DLG2: variants seen among roughly 807,000 people sequenced by gnomAD.
The protein encoded by DLG2 is discs large MAGUK scaffold protein 2.
A neutral mutation model predicts 132.5 loss-of-function variants in DLG2; 45 were observed. The ratio of observed to expected loss-of-function variants is 0.34; its 90% CI spans 0.27 to 0.44. DLG2 has a LOEUF of 0.44. Ranked by LOEUF, DLG2 falls within the 20% of genes least tolerant of loss-of-function variation. The probability of loss-of-function intolerance (pLI) is 1.00; values close to 1 mark genes in which losing one functional copy is unlikely to be tolerated. For synonymous variants in DLG2, 424 were observed against 419.6 expected (o/e 1.01, Z -0.13); for missense variants, 1,045 against 1,196.9 (o/e 0.87, Z 1.87).
chr11:84,538,783 C>A (rs933493177), intron 6 of DLG2, among the ~76,000 whole-genome samples: 2 of 152,014 alleles, frequency 1.3e-5, no homozygotes, highest in African/African-American at 4.8e-5. Context: ...TCCAAGAGAC[C>A]GTGGACCTAA....
intron 6 of DLG2, among the ~76,000 whole-genome samples, chr11:84,928,698 T>C (rs1180897117): frequency 6.6e-6 from 1 of 151,752 alleles, no homozygotes; most frequent in Non-Finnish European, 1.5e-5. Flanking sequence ...TGAATCAATT[T>C]ACTATTATTG....
chr11:85,335,204 T>G (rs1238218810), intron 3 of DLG2, among the ~76,000 whole-genome samples: 2 of 152,124 alleles, frequency 1.3e-5, no homozygotes, highest in Non-Finnish European at 2.9e-5. Context: ...TAAAGTCACT[T>G]TGTGTGAAAT....
At chr11:84,356,598 T>C (rs1280866276) in intron 7 of DLG2, among the ~76,000 whole-genome samples, 1 of 152,134 alleles carries the variant, frequency 6.6e-6, no homozygotes, top group Non-Finnish European at 1.5e-5. Flanking sequence ...ATCTGATTTA[T>C]AATCATGATT....
intron 6 of DLG2, among the ~76,000 whole-genome samples, chr11:85,069,663 G>C (rs1263670705): frequency 6.6e-6 from 1 of 152,136 alleles, no homozygotes; most frequent in Non-Finnish European, 1.5e-5. Context: ...ACAGATGCTA[G>C]AGAGGATGTG....
intron 3 of DLG2, among the ~76,000 whole-genome samples, chr11:85,524,104 G>T (rs1049031207): frequency 1.3e-5 from 2 of 152,054 alleles, no homozygotes; most frequent in African/African-American, 2.4e-5. Flanking sequence ...TGAAGTGTTG[G>T]GAGGGATTAA....
chr11:84,915,873 T>C (rs901035753), intron 6 of DLG2, among the ~76,000 whole-genome samples: 3 of 152,138 alleles, frequency 2.0e-5, no homozygotes, highest in African/African-American at 7.2e-5. Flanking sequence ...AGGCAATGTG[T>C]ACAAAAATAC....
intron 6 of DLG2, among the ~76,000 whole-genome samples, chr11:84,636,160 A>C (rs2099640157): frequency 6.6e-6 from 1 of 152,218 alleles, no homozygotes; most frequent in African/African-American, 2.4e-5. Context: ...AATATGAGTG[A>C]AACAAATGTA....
At chr11:85,331,023 A>G (rs1241967783) in intron 3 of DLG2, among the ~76,000 whole-genome samples, 1 of 152,174 alleles carries the variant, frequency 6.6e-6, no homozygotes, top group Non-Finnish European at 1.5e-5. Context: ...TGAGGCACGA[A>G]GCTCATCTGT....
chr11:83,802,640 A>T (rs1200556634), intron 17 of DLG2, among the ~76,000 whole-genome samples: 2 of 152,334 alleles, frequency 1.3e-5, no homozygotes, highest in East Asian at 3.9e-4. Flanking sequence ...GATTAAATAG[A>T]TAATGAACTA....
At chr11:83,722,807 A>T (rs2088994679) in intron 18 of DLG2, among the ~76,000 whole-genome samples, 2 of 152,206 alleles carry the variant, frequency 1.3e-5, no homozygotes, top group Non-Finnish European at 2.9e-5. Flanking sequence ...AAATGCAAAG[A>T]AGCATCAGGG....
intron 22 of DLG2, among the ~76,000 whole-genome samples, chr11:83,475,793 A>G (rs2092562558): frequency 6.7e-6 from 1 of 149,638 alleles, no homozygotes; most frequent in East Asian, 1.9e-4. Flanking sequence ...CCCATAAAAT[A>G]GTCATCCTTA....
At position 84,543,857 on chromosome 11, in the gene DLG2, T is replaced by C. The variant is rs544104396; in HGVS notation, c.358-9126A>G. Among the ~76,000 whole-genome samples, 12 of 152,260 alleles carry C rather than the reference T, an allele frequency of 7.9e-5. No individual in the cohort carries two copies. The South Asian group carries it at 1.7e-3, about 21-fold the overall frequency. ...AAAGTGAAAGGAAATACTTTCCTGC[T>C]TTTTTTCCACAAAGAACAGGACAAG... On this transcript the variant is annotated intron_variant, in intron 6 of 27. Coordinates refer to ENST00000376104, the MANE Select transcript of DLG2 (RefSeq NM_001142699.3).
intron 18 of DLG2, among the ~76,000 whole-genome samples, chr11:83,674,562 T>G (rs1001759092): frequency 6.6e-6 from 1 of 152,250 alleles, no homozygotes; most frequent in African/African-American, 2.4e-5. Context: ...ATAAACATTA[T>G]CTGTCACCCT....
Position 85,314,143 on chromosome 11 carries a change from C to T in DLG2, c.41-28778G>A, listed in dbSNP as rs58173364. Among the ~76,000 whole-genome samples, 614 of 152,068 alleles carry T rather than the reference C, an allele frequency of 4.0e-3. 15 individuals are homozygous for T. The highest frequency in any genetic ancestry group is 4.2e-3 in the East Asian group (22 of 5,178). The stretch of plus-strand genomic sequence containing the variant: ...TATTGAGAACATACAATATGCCAAG[C>T]TCTGTGCTAAGCAACATGACAGCTA... On this transcript the variant is annotated intron_variant, in intron 3 of 27. Transcript: ENST00000376104.
chr11:84,945,120 G>A (rs972629965), intron 6 of DLG2, among the ~76,000 whole-genome samples: 8 of 152,212 alleles, frequency 5.3e-5, no homozygotes, highest in African/African-American at 1.7e-4. Flanking sequence ...TCTGGACATT[G>A]AAGAGTTAGG....
At chr11:85,358,254 T>G (rs188299486) in intron 3 of DLG2, among the ~76,000 whole-genome samples, 2 of 152,282 alleles carry the variant, frequency 1.3e-5, no homozygotes, top group East Asian at 3.9e-4. Context: ...ATTTTTCACT[T>G]CAATTACATG....
At chr11:84,492,839 A>C (rs2099168875) in intron 7 of DLG2, among the ~76,000 whole-genome samples, 1 of 152,130 alleles carries the variant, frequency 6.6e-6, no homozygotes, top group Non-Finnish European at 1.5e-5. Flanking sequence ...TTTGCACTTA[A>C]GTTCCAATAG....
intron 4 of DLG2, among the ~76,000 whole-genome samples, chr11:85,163,394 A>T (rs758426442): frequency 6.6e-6 from 1 of 152,192 alleles, no homozygotes; most frequent in Non-Finnish European, 1.5e-5. Flanking sequence ...AATTGGCCAG[A>T]GAAATATAAA....
In DLG2 at chr11:85,571,182, A is replaced by G. The variant is rs867179498; in HGVS notation, c.40+27475T>C. ...TTTCTTGTTTCTTTGCATGTCTTAT[A>G]AATTTTTGTTTAAAATTGGTCACTT... On this transcript the variant is annotated intron_variant, in intron 3 of 27. Transcript: ENST00000376104. Among the ~76,000 whole-genome samples the G allele has an allele frequency of 4.6e-5, 7 of 152,246 alleles. No individual in the cohort carries two copies. The South Asian group carries it at 1.4e-3, about 32-fold the overall frequency.
Sources: allele counts gnomAD v4.1 joint callset (sites outside exome capture counted in the v4.1 genomes callset), GRCh38; gene constraint gnomAD v4.1.1; transcripts MANE v1.5; gene names NCBI Gene and HGNC (gene_info 2026-07-23, HGNC 2026-07-21).